The following ASTN2 variants were observed in gnomAD, a reference collection of about 807,000 sequenced individuals.
The protein encoded by ASTN2 is astrotactin 2.
In ASTN2, 54 loss-of-function variants were observed where a neutral mutation model predicts 139.8. That is an observed-to-expected ratio of 0.39 (90% CI 0.31 to 0.48). The LOEUF is 0.48. Ranked by LOEUF, ASTN2 falls within the 20% of genes least tolerant of loss-of-function variation. ASTN2 has a pLI of 0.95. For synonymous variants in ASTN2, 756 were observed against 719.5 expected (o/e 1.05, Z -0.81); for missense variants, 1,565 against 1,725.1 (o/e 0.91, Z 1.64).
chr9:117,105,859 A>G (rs1829089948), intron 4 of ASTN2, among the ~76,000 whole-genome samples: 1 of 152,136 alleles, frequency 6.6e-6, no homozygotes, highest in African/African-American at 2.4e-5. Context: ...CTTCCCAAAC[A>G]CAGCAGCTCA....
chr9:116,808,858 T>C (rs1831096010), intron 12 of ASTN2, among the ~76,000 whole-genome samples: 1 of 152,186 alleles, frequency 6.6e-6, no homozygotes, highest in Non-Finnish European at 1.5e-5. Context: ...GAAAAATAAC[T>C]CATTTTTGTT....
intron 2 of ASTN2, among the ~76,000 whole-genome samples, chr9:117,220,323 C>T (rs1029783036): frequency 7.2e-5 from 11 of 152,230 alleles, no homozygotes; most frequent in South Asian, 4.1e-4. Flanking sequence ...ACCTGTCCTA[C>T]TTGTCCTGGA....
intron 11 of ASTN2, 43 bp from the exon 12 acceptor site, chr9:116,820,826 T>G (rs1588321007): frequency 6.4e-7 from 1 of 1,572,076 alleles, no homozygotes; most frequent in Non-Finnish European, 8.7e-7. Context: ...GCTTGGGAGG[T>G]TGTAGGCCCC....
At chr9:116,944,624 G>A (rs1835332222) in intron 10 of ASTN2, among the ~76,000 whole-genome samples, 1 of 145,020 alleles carries the variant, frequency 6.9e-6, no homozygotes, top group Non-Finnish European at 1.5e-5. Flanking sequence ...GGATGCTGCA[G>A]TGAGTCGAGA....
At chr9:117,098,550 C>G (rs1587960904) in intron 4 of ASTN2, among the ~76,000 whole-genome samples, 1 of 152,196 alleles carries the variant, frequency 6.6e-6, no homozygotes, top group East Asian at 1.9e-4. Context: ...CAAGGTCTGT[C>G]CCGGAGCCTT....
At chr9:116,798,325 T>G (rs1429992932) in intron 13 of ASTN2, among the ~76,000 whole-genome samples, 1 of 152,218 alleles carries the variant, frequency 6.6e-6, no homozygotes, top group African/African-American at 2.4e-5. Flanking sequence ...TGCAAGGCTT[T>G]TCCAGCTATA....
intron 4 of ASTN2, among the ~76,000 whole-genome samples, chr9:117,121,322 T>A (rs1252729418): frequency 6.6e-6 from 1 of 152,202 alleles, no homozygotes; most frequent in Non-Finnish European, 1.5e-5. Flanking sequence ...GTGAGATAAA[T>A]CTTATGAAGA....
chr9:117,172,201 C>T (rs765621935), intron 3 of ASTN2, among the ~76,000 whole-genome samples: 1 of 152,126 alleles, frequency 6.6e-6, no homozygotes, highest in Non-Finnish European at 1.5e-5. Flanking sequence ...GCAGAACTTT[C>T]TGTTACAATG....
chr9:116,877,738 C>G (rs891730773), intron 10 of ASTN2, among the ~76,000 whole-genome samples: 1 of 152,060 alleles, frequency 6.6e-6, no homozygotes, highest in African/African-American at 2.4e-5. Flanking sequence ...ATTCCCACCC[C>G]CACCATGCAC....
At position 117,118,613 on chromosome 9, in the gene ASTN2, C is replaced by T. The variant is rs925421288; in HGVS notation, c.1169-22462G>A. Among the ~76,000 whole-genome samples the T allele has an allele frequency of 2.0e-5, 3 of 152,134 alleles. No individual in the cohort carries two copies. In the East Asian group the frequency reaches 5.8e-4, roughly 29 times the overall value. On this transcript the variant is annotated intron_variant, in intron 4 of 22. Transcript: ENST00000313400. ...AATGTAAATCAAACCAAGTCCTTTCCCTGTTCACTAGTCTCCAATGGATGC... is the reference window on the plus strand; with the variant it reads ...AATGTAAATCAAACCAAGTCCTTTCTCTGTTCACTAGTCTCCAATGGATGC...
At chr9:117,202,741 G>A (rs12346024) in intron 3 of ASTN2, among the ~76,000 whole-genome samples, 2,327 of 152,228 alleles carry the variant, frequency 0.015, 72 homozygotes, top group African/African-American at 0.053. Flanking sequence ...AGGTGACCTG[G>A]CCTTTCTCTC....
chr9:116,428,401 G>A (rs904414062), intron 22 of ASTN2, among the ~76,000 whole-genome samples: 2 of 152,144 alleles, frequency 1.3e-5, no homozygotes, highest in African/African-American at 2.4e-5. Context: ...GTGGGTACCT[G>A]TAACCCCAGC....
At chr9:116,460,547 C>A (rs563273343) in intron 20 of ASTN2, among the ~76,000 whole-genome samples, 3 of 152,050 alleles carry the variant, frequency 2.0e-5, no homozygotes, top group South Asian at 4.1e-4. Flanking sequence ...CAACCCTTTG[C>A]GCGTATTTCC....
At chr9:116,658,020 G>C (rs1256269513) in intron 16 of ASTN2, among the ~76,000 whole-genome samples, 1 of 152,132 alleles carries the variant, frequency 6.6e-6, no homozygotes, top group East Asian at 1.9e-4. Context: ...GAGTAGTTGG[G>C]ACTACAGGTA....
chr9:116,493,788 G>A (rs1418746932), intron 19 of ASTN2, among the ~76,000 whole-genome samples: 4 of 152,184 alleles, frequency 2.6e-5, no homozygotes, highest in Non-Finnish European at 4.4e-5. Context: ...AAGGAGCAGT[G>A]GGAGTGGGGG....
intron 3 of ASTN2, among the ~76,000 whole-genome samples, chr9:117,212,299 T>C (rs1203771743): frequency 1.3e-5 from 2 of 151,726 alleles, no homozygotes; most frequent in Non-Finnish European, 2.9e-5. Context: ...CCCGAAATGA[T>C]AAACATATTA....
intron 4 of ASTN2, among the ~76,000 whole-genome samples, chr9:117,108,063 C>T (rs1247019543): frequency 1.3e-5 from 2 of 152,098 alleles, no homozygotes; most frequent in African/African-American, 4.8e-5. Flanking sequence ...ATGTATGGTA[C>T]AATCATTGAG....
At chr9:116,896,231 A>T (rs974310004) in intron 10 of ASTN2, among the ~76,000 whole-genome samples, 3 of 152,234 alleles carry the variant, frequency 2.0e-5, no homozygotes, top group African/African-American at 7.2e-5. Context: ...GGGACTGAGA[A>T]TTGAGCCAAG....
At chr9:117,377,715 C>CTTCA in intron 1 of ASTN2, among the ~76,000 whole-genome samples, 1 of 31,056 alleles carries the variant, frequency 3.2e-5, no homozygotes, top group Non-Finnish European at 7.7e-5. Flanking sequence ...CATAAATGTC[C>CTTCA]ATCAATAGGA....
Sources: gnomAD v4.1 joint callset for allele counts (sites outside exome capture counted in the v4.1 genomes callset) on GRCh38, gnomAD v4.1.1 for gene constraint, MANE v1.5 for transcripts, NCBI Gene and HGNC (gene_info 2026-07-23, HGNC 2026-07-21) for gene names.